Variants in KIF20A observed in about 807,000 individuals in gnomAD.
The protein encoded by KIF20A is kinesin family member 20A.
KIF20A carries 66 observed loss-of-function variants against 113.0 expected under a neutral mutation model. The ratio of observed to expected loss-of-function variants is 0.58; its 90% CI spans 0.48 to 0.72. KIF20A has a LOEUF of 0.72. Ranked by LOEUF, KIF20A falls within the 30% of genes least tolerant of loss-of-function variation. KIF20A has a pLI of 0.00. For missense variants in KIF20A, 927 were observed against 1,077.6 expected (o/e 0.86, Z 1.96); for synonymous variants, 376 against 402.3 (o/e 0.93, Z 0.78).
chr5:138,181,599 C>T lies in KIF20A; in HGVS notation c.256-10C>T. ...GCCTTCTGTGACAACTGTATTTTCT[C>T]CCTTCTCAGGGTTGTGTCCGTATTG... On this transcript the variant is annotated splice_polypyrimidine_tract_variant and intron_variant, in intron 3 of 18. Coordinates refer to ENST00000394894, the MANE Select transcript of KIF20A (RefSeq NM_005733.3). 1 of 1,614,186 alleles carries T rather than the reference C, an allele frequency of 6.2e-7. No homozygotes were observed. The highest frequency in any genetic ancestry group is 8.5e-7 in the Non-Finnish European group (1 of 1,180,038).
chr5:138,186,251 G>A (rs780873443), intron 17 of KIF20A, 43 bp from the exon 18 acceptor site: 17 of 1,571,978 alleles, frequency 1.1e-5, no homozygotes, highest in Non-Finnish European at 1.3e-5. Context: ...CATTATCCTG[G>A]TTGCTCTTGG....
Position 138,184,079 on chromosome 5 carries a change from T to C in KIF20A, c.1326T>C (p.Ala442=), listed in dbSNP as rs1323347133. The C allele has an allele frequency of 6.2e-7, 1 of 1,614,074 alleles. No homozygotes were observed. The highest frequency in any genetic ancestry group is 2.2e-5 in the East Asian group (1 of 44,890). The change falls in exon 11 of 19, where the codon GCT becomes GCC. Residue 442 remains alanine, a synonymous_variant. Coordinates refer to ENST00000394894, the MANE Select transcript of KIF20A (RefSeq NM_005733.3). The part of the protein sequence containing the change: ...TSLHTLGRCI[A]ALRQNQQNRS... Reference sequence around the variant, plus strand: ...TACACACCCTGGGCCGCTGTATTGCTGCCCTTCGTCAAAACCAGCAGAACC... The same window carrying C: ...TACACACCCTGGGCCGCTGTATTGCCGCCCTTCGTCAAAACCAGCAGAACC...
At chr5:138,180,693 C>T (rs1365779844) in intron 2 of KIF20A, among the ~76,000 whole-genome samples, 1 of 149,844 alleles carries the variant, frequency 6.7e-6, no homozygotes, top group Non-Finnish European at 1.5e-5. Context: ...TTTTTGTTTT[C>T]GAGATGGAGT....
chr5:138,179,945 G>C, intron 2 of KIF20A, 100 bp downstream of exon 2: 1 of 1,220,376 alleles, frequency 8.2e-7, no homozygotes, highest in Non-Finnish European at 1.1e-6. Flanking sequence ...AATCCTAAAG[G>C]TCTGAGATCA....
At position 138,183,879 on chromosome 5, in the gene KIF20A, C is replaced by A; in HGVS notation, c.1209-83C>A. ...TTGGGTACAGAGATTCTTAGTGGGC[C>A]GTCCCCTCTCCAGAATTATACAAAG... On this transcript the variant is annotated intron_variant, in intron 10 of 18. Coordinates refer to ENST00000394894, the MANE Select transcript of KIF20A (RefSeq NM_005733.3). This position sits in a 1 kb window ranked among gnomAD's most constrained non-coding sequence, Gnocchi z 5.2. 1.3e-6 allele frequency: 2 copies of A among 1,589,486 alleles called. No homozygotes were observed. Among genetic ancestry groups the A allele is most frequent in the South Asian group, 1.1e-5 (1 of 89,608 alleles).
chr5:138,186,868 G>C (rs1754753738), intron 18 of KIF20A, among the ~76,000 whole-genome samples: 3 of 152,134 alleles, frequency 2.0e-5, no homozygotes, highest in African/African-American at 7.2e-5. Flanking sequence ...ATTTACTCAA[G>C]CTCATACTAC....
chr5:138,184,771 G>A lies in KIF20A; in HGVS notation c.1684-36G>A, dbSNP rs779791434. 6.8e-6 allele frequency: 11 copies of A among 1,612,570 alleles called. No individual in the cohort carries two copies. In the African/African-American group the frequency reaches 9.3e-5, roughly 14 times the overall value. On this transcript the variant is annotated intron_variant, in intron 13 of 18. Coordinates refer to ENST00000394894, the MANE Select transcript of KIF20A (RefSeq NM_005733.3). Reference sequence around the variant, plus strand: ...GGGCTTGTGCCTTCTGAGGGCATGAGCATCTGATGACCTCTGACATGTGTG... The same window carrying A: ...GGGCTTGTGCCTTCTGAGGGCATGAACATCTGATGACCTCTGACATGTGTG...
Position 138,182,427 on chromosome 5 carries a change from A to C in KIF20A, c.480A>C (p.Gly160=). ...KGQNWLIYTY[G]VTNSGKTHTI... is the part of the protein sequence containing the mutation. ...AGAACTGGCTCATCTATACATATGG[A>C]GTCACTAACTCAGGGAAAACCCACA... The change falls in exon 5 of 19, where the codon GGA becomes GGC. Residue 160 remains glycine, a synonymous_variant. Transcript: ENST00000394894. 1 of 1,614,180 alleles carries C rather than the reference A, an allele frequency of 6.2e-7. No homozygotes were observed. Among genetic ancestry groups the C allele is most frequent in the Non-Finnish European group, 8.5e-7 (1 of 1,180,026 alleles).
In KIF20A at chr5:138,184,097, G is replaced by C; in HGVS notation, c.1344G>C (p.Gln448His). 1 of 1,614,128 alleles carries C rather than the reference G, an allele frequency of 6.2e-7. No homozygotes were observed. Among genetic ancestry groups the C allele is most frequent in the Non-Finnish European group, 8.5e-7 (1 of 1,179,994 alleles). ...GRCIAALRQNQQNRSKQNLVP... is the reference protein window; with the variant it reads ...GRCIAALRQNHQNRSKQNLVP... ...GTATTGCTGCCCTTCGTCAAAACCA[G>C]CAGAACCGGTGAGCTTTTGACTATA... The change falls in exon 11 of 19, where the codon CAG becomes CAC. Residue 448 changes from glutamine to histidine, a missense_variant. Physicochemically the swap from Gln to His is conservative, Grantham distance 24. Transcript: ENST00000394894.
At position 138,179,647 on chromosome 5, in the gene KIF20A, G is replaced by A. The variant is rs757931340; in HGVS notation, c.-21-13G>A. On this transcript the variant is annotated splice_polypyrimidine_tract_variant and intron_variant, in intron 1 of 18. Transcript: ENST00000394894. ...AGGTTCTTCTCCCTGCCCACTTTTT[G>A]GTCTCTTTTTAGACCTAGGCTGCCC... 30 of 1,610,464 alleles carry A rather than the reference G, an allele frequency of 1.9e-5. No individual in the cohort carries two copies. The highest frequency in any genetic ancestry group is 2.3e-5 in the Non-Finnish European group (27 of 1,178,980).
chr5:138,182,681 T>C lies in KIF20A; in HGVS notation c.610T>C (p.Leu204=). The change falls in exon 6 of 19, where the codon TTG becomes CTG. Residue 204 remains leucine, a synonymous_variant. Coordinates refer to ENST00000394894, the MANE Select transcript of KIF20A (RefSeq NM_005733.3). ...QLHPTPDLKP[L]LSNEVIWLDS... ...TCATCCAACACCTGATCTGAAGCCC[T>C]TGCTCTCCAATGAGGTAATCTGGCT... The C allele has an allele frequency of 6.2e-7, 1 of 1,614,144 alleles. No individual in the cohort carries two copies.
Position 138,185,700 on chromosome 5 carries a change from T to A in KIF20A, c.2115T>A (p.Ser705=). The change falls in exon 16 of 19, where the codon TCT becomes TCA. Residue 705 remains serine (S), a synonymous_variant. Coordinates refer to ENST00000394894, the MANE Select transcript of KIF20A (RefSeq NM_005733.3). ...AGCAGTGCAAAGCAGAGCTAAACTCTACCACTGAAGGTGAGGAAAGAGACA... is the reference window on the plus strand; with the variant it reads ...AGCAGTGCAAAGCAGAGCTAAACTCAACCACTGAAGGTGAGGAAAGAGACA... ...KLQQCKAELN[S]TTEELHKYQK... 6 of 1,614,128 alleles carry A rather than the reference T, an allele frequency of 3.7e-6. No individual in the cohort carries two copies. The highest frequency in any genetic ancestry group is 5.1e-6 in the Non-Finnish European group (6 of 1,179,984).
Position 138,183,133 on chromosome 5 carries a change from C to T in KIF20A, c.833-36C>T. On this transcript the variant is annotated intron_variant, in intron 7 of 18. Coordinates refer to ENST00000394894, the MANE Select transcript of KIF20A (RefSeq NM_005733.3). The surrounding 1 kb of genome is among the most constrained non-coding windows in gnomAD (Gnocchi z 5.2). ...CAGGCCAAAAGAGAGGTGAACTGCTCTAGGTTGATGCCCTATACATTGGCT... is the reference window on the plus strand; with the variant it reads ...CAGGCCAAAAGAGAGGTGAACTGCTTTAGGTTGATGCCCTATACATTGGCT... 1 of 1,610,232 alleles carries T rather than the reference C, an allele frequency of 6.2e-7. No homozygotes were observed. The highest frequency in any genetic ancestry group is 8.5e-7 in the Non-Finnish European group (1 of 1,177,868).
At position 138,182,311 on chromosome 5, in the gene KIF20A, G is replaced by A; in HGVS notation, c.376-12G>A. The A allele has an allele frequency of 6.2e-7, 1 of 1,609,864 alleles. No homozygotes were observed. Among genetic ancestry groups the A allele is most frequent in the African/African-American group, 1.3e-5 (1 of 74,830 alleles). ...GAAGGAGAGGCCTCTAAAAAACTGG[G>A]TCTCTCTCTAGATCTTTGGGCCAGA... is the stretch of plus-strand genomic sequence containing the variant. On this transcript the variant is annotated splice_polypyrimidine_tract_variant and intron_variant, in intron 4 of 18. Coordinates refer to ENST00000394894, the MANE Select transcript of KIF20A (RefSeq NM_005733.3).
At position 138,184,876 on chromosome 5, in the gene KIF20A, G is replaced by A; in HGVS notation, c.1753G>A (p.Glu585Lys). The stretch of plus-strand genomic sequence containing the variant: ...GGAACGACAGGAAAAGCTACAGCTG[G>A]AGATGCATCTCCGAGATGAAATTTG... ...LKERQEKLQL[E>K]MHLRDEICNE... is the part of the protein sequence containing the mutation. Residue 585 changes from glutamate to lysine, a missense_variant, in exon 14 of 19, where the codon GAG becomes AAG. Glu to Lys is a moderately conservative substitution (Grantham distance 56). Transcript: ENST00000394894. 6.2e-7 allele frequency: 1 copy of A among 1,614,166 alleles called. No homozygotes were observed.
At chr5:138,186,662 G>A (rs1292508316) in intron 18 of KIF20A, among the ~76,000 whole-genome samples, 3 of 152,184 alleles carry the variant, frequency 2.0e-5, no homozygotes, top group African/African-American at 7.2e-5. Context: ...TAGGGAGGTA[G>A]TTACTGTCAT....
Position 138,182,991 on chromosome 5 carries a change from G to T in KIF20A, c.832+1G>T, listed in dbSNP as rs760638384. ...TGTACCAGCAGTAGCCAGCTGGATG[G>T]TATGTACCGTGACTGGGCTCTGCCA... On this transcript the variant is annotated splice_donor_variant, in intron 7 of 18. Coordinates refer to ENST00000394894, the MANE Select transcript of KIF20A (RefSeq NM_005733.3). LOFTEE classifies it high-confidence loss of function. 3.0e-5 allele frequency: 49 copies of T among 1,613,958 alleles called. No homozygotes were observed. The highest frequency in any genetic ancestry group is 4.1e-5 in the Non-Finnish European group (48 of 1,180,024).
At chr5:138,186,236 C>A (rs183877837) in intron 17 of KIF20A, 58 bp from the exon 18 acceptor site, 11 of 1,567,498 alleles carry the variant, frequency 7.0e-6, no homozygotes, top group Middle Eastern at 1.7e-4. Flanking sequence ...CTGACCCCTC[C>A]AGATCATTAT....
At position 138,179,859 on chromosome 5, in the gene KIF20A, G is replaced by C; in HGVS notation, c.165+14G>C. The C allele has an allele frequency of 6.2e-7, 1 of 1,613,296 alleles. No homozygotes were observed. The highest frequency in any genetic ancestry group is 8.5e-7 in the Non-Finnish European group (1 of 1,179,696). ...GACAAGCAGCAGGTAAAGGAACTGG[G>C]GAGTGGCTGGGGCGGAAAGTGATAT... On this transcript the variant is annotated intron_variant, in intron 2 of 18. Transcript: ENST00000394894.
Sources: gnomAD v4.1 joint callset for allele counts (sites outside exome capture counted in the v4.1 genomes callset) on GRCh38, gnomAD v4.1.1 for gene constraint, Gnocchi (gnomAD v3.1) non-coding constraint, MANE v1.5 for transcripts, NCBI Gene and HGNC (gene_info 2026-07-23, HGNC 2026-07-21) for gene names.